The following DNA2 variants were observed in gnomAD, a reference collection of about 807,000 sequenced individuals.
DNA2 encodes the protein DNA replication ATP-dependent helicase/nuclease DNA2.
In DNA2, 101 loss-of-function variants were observed where a neutral mutation model predicts 119.1. The ratio of observed to expected loss-of-function variants is 0.85; its 90% CI spans 0.72 to 1.00. The LOEUF is 1.00. Among genes scored for constraint, DNA2 ranks in the 50% least tolerant of loss-of-function variants. The pLI, the probability that DNA2 is intolerant of heterozygous loss-of-function variation, is 0.00. For synonymous variants in DNA2, 366 were observed against 424.4 expected (o/e 0.86, Z 1.69); for missense variants, 1,121 against 1,255.5 (o/e 0.89, Z 1.62).
intron 5 of DNA2, among the ~76,000 whole-genome samples, chr10:68,455,271 TCA>T (rs2052168776): frequency 6.6e-6 from 1 of 152,050 alleles, no homozygotes; most frequent in African/African-American, 2.4e-5. Context: ...TACAGAACAT[TCA>T]CAGAGACCAG....
chr10:68,437,523 G>T (rs566328567), intron 9 of DNA2, among the ~76,000 whole-genome samples: 96 of 151,812 alleles, frequency 6.3e-4, no homozygotes, highest in African/African-American at 2.3e-3. Context: ...GGTGGTGCTC[G>T]CCCGTAATCC....
chr10:68,423,966 TA>T (rs1371035830), intron 14 of DNA2, among the ~76,000 whole-genome samples: 1 of 152,022 alleles, frequency 6.6e-6, no homozygotes, highest in Non-Finnish European at 1.5e-5. Context: ...CATGTTTCAA[TA>T]AAAAAATCAA....
At position 68,437,223 on chromosome 10, in the gene DNA2, G is replaced by A. The variant is rs1401946101; in HGVS notation, c.1434C>T (p.Cys478=). The change falls in exon 10 of 21, where the codon TGC becomes TGT. Residue 478 remains cysteine (C), a synonymous_variant. Transcript: ENST00000358410. ...GTTCCATTCTAATCAGGTTTCCAATGCAACTGCCACTCTTCTCCCTATGAA... is the reference window on the plus strand; with the variant it reads ...GTTCCATTCTAATCAGGTTTCCAATACAACTGCCACTCTTCTCCCTATGAA... ...PASEMEKSGS[C]IGNLIRMEHV... The A allele has an allele frequency of 6.2e-7, 1 of 1,604,820 alleles. No individual in the cohort carries two copies. Among genetic ancestry groups the A allele is most frequent in the South Asian group, 1.1e-5 (1 of 90,388 alleles).
chr10:68,417,122 C>T (rs569573253), intron 19 of DNA2, among the ~76,000 whole-genome samples: 122 of 151,704 alleles, frequency 8.0e-4, no homozygotes, highest in Non-Finnish European at 1.6e-3. Flanking sequence ...TGTGCACCTA[C>T]GGTCCCAGCT....
intron 4 of DNA2, among the ~76,000 whole-genome samples, chr10:68,462,908 C>A (rs950453096): frequency 6.6e-6 from 1 of 152,004 alleles, no homozygotes; most frequent in Admixed American, 6.6e-5. Context: ...GAGGGTGGAT[C>A]ACCTGAGGTC....
chr10:68,460,907 T>A (rs2052249558), intron 4 of DNA2, among the ~76,000 whole-genome samples: 1 of 131,536 alleles, frequency 7.6e-6, no homozygotes, highest in Admixed American at 7.9e-5. Context: ...GAGACCCTGT[T>A]TAAAAAAAAA....
Position 68,422,556 on chromosome 10 carries a change from C to A in DNA2, c.2451G>T (p.Lys817Asn). The A allele has an allele frequency of 6.2e-7, 1 of 1,614,044 alleles. No individual in the cohort carries two copies. Among genetic ancestry groups the A allele is most frequent in the Non-Finnish European group, 8.5e-7 (1 of 1,179,904 alleles). ...GCACGGTTAACTGTACAACAGCACTCTTATTCTGCTCCAGCCTCTTGAATA... is the reference window on the plus strand; with the variant it reads ...GCACGGTTAACTGTACAACAGCACTATTATTCTGCTCCAGCCTCTTGAATA... ...ESLFKRLEQN[K>N]SAVVQLTVQY... The change falls in exon 16 of 21, where the codon AAG becomes AAT. Residue 817 changes from lysine to asparagine, a missense_variant. Lys to Asn is a moderately conservative substitution (Grantham distance 94). Coordinates refer to ENST00000358410, the MANE Select transcript of DNA2 (RefSeq NM_001080449.3).
intron 4 of DNA2, 148 bp from the exon 5 acceptor site, chr10:68,459,383 G>A (rs1590072407): frequency 2.6e-6 from 2 of 776,864 alleles, no homozygotes; most frequent in South Asian, 4.5e-5. Context: ...GCCAATAAAT[G>A]GATAAACAAA....
At chr10:68,455,682 G>A (rs955252469) in intron 5 of DNA2, among the ~76,000 whole-genome samples, 4 of 151,868 alleles carry the variant, frequency 2.6e-5, no homozygotes, top group Middle Eastern at 3.4e-3. Flanking sequence ...TTAGCCAGGC[G>A]TGGTGGCTCA....
At chr10:68,448,522 G>A (rs1011039831) in intron 6 of DNA2, among the ~76,000 whole-genome samples, 4 of 152,118 alleles carry the variant, frequency 2.6e-5, no homozygotes, top group Non-Finnish European at 4.4e-5. Flanking sequence ...TCAATGTCTT[G>A]TCTCGTGCAT....
chr10:68,464,829 CAAAAAAAAAAAAAAAA>C (rs71009067), intron 4 of DNA2, among the ~76,000 whole-genome samples: 17 of 40,654 alleles, frequency 4.2e-4, no homozygotes, highest in Non-Finnish European at 5.1e-4. Context: ...AACTCCACCT[CAAAAAAAAAAAAAAAA>C]AAAAAAAAAA....
chr10:68,440,916 T>C (rs965247685), intron 9 of DNA2, among the ~76,000 whole-genome samples: 18 of 152,196 alleles, frequency 1.2e-4, no homozygotes, highest in African/African-American at 4.3e-4. Flanking sequence ...CATAGTGGCT[T>C]ATACCTATAA....
intron 4 of DNA2, among the ~76,000 whole-genome samples, 176 bp from the exon 5 acceptor site, chr10:68,459,411 C>T (rs950894281): frequency 6.6e-6 from 1 of 152,174 alleles, no homozygotes; most frequent in African/African-American, 2.4e-5. Flanking sequence ...ATATTCCATA[C>T]AATGCAGTAT....
intron 4 of DNA2, among the ~76,000 whole-genome samples, chr10:68,459,848 G>A (rs2052231680): frequency 6.6e-6 from 1 of 152,090 alleles, no homozygotes; most frequent in South Asian, 2.1e-4. Flanking sequence ...CCAACATGGT[G>A]AAACGCTGTC....
At chr10:68,422,625 T>C (rs747320939) in intron 15 of DNA2, 21 bp from the exon 16 acceptor site, 5 of 1,613,314 alleles carry the variant, frequency 3.1e-6, no homozygotes, top group Non-Finnish European at 4.2e-6. Flanking sequence ...ATCAGATTCA[T>C]GTTTATCAGT....
chr10:68,456,709 G>A (rs2052186565), intron 5 of DNA2, among the ~76,000 whole-genome samples: 1 of 151,278 alleles, frequency 6.6e-6, no homozygotes, highest in Admixed American at 6.6e-5. Context: ...ACCATGCCCG[G>A]ACCCCCTTAA....
chr10:68,445,932 G>C (rs911923876), intron 7 of DNA2, among the ~76,000 whole-genome samples: 1 of 152,080 alleles, frequency 6.6e-6, no homozygotes, highest in Non-Finnish European at 1.5e-5. Context: ...TTCAAGACCA[G>C]CCTGGCCAAC....
intron 10 of DNA2, among the ~76,000 whole-genome samples, chr10:68,433,878 G>A (rs1000238017): frequency 7.2e-5 from 11 of 152,100 alleles, no homozygotes; most frequent in African/African-American, 2.4e-4. Context: ...TACATCACAC[G>A]TTTGTGCAAC....
chr10:68,436,421 GGA>G (rs2133385612), intron 10 of DNA2, among the ~76,000 whole-genome samples: 1 of 152,282 alleles, frequency 6.6e-6, no homozygotes, highest in East Asian at 1.9e-4. Context: ...ACTTCAGGGA[GGA>G]GAGAGTGGGA....
Sources: gnomAD v4.1 joint callset for allele counts (sites outside exome capture counted in the v4.1 genomes callset) on GRCh38, gnomAD v4.1.1 for gene constraint, MANE v1.5 for transcripts, NCBI Gene and HGNC (gene_info 2026-07-23, HGNC 2026-07-21) for gene names.